TNS1: variants seen among roughly 807,000 people sequenced by gnomAD.
The protein encoded by TNS1 is tensin-1.
A neutral mutation model predicts 168.6 loss-of-function variants in TNS1; 62 were observed. The ratio of observed to expected loss-of-function variants is 0.37; its 90% CI spans 0.30 to 0.45. TNS1 has a LOEUF of 0.45. TNS1 is among the 20% of genes least tolerant of loss of function. The pLI is 1.00. For missense variants in TNS1, 2,240 were observed against 2,339.4 expected, an observed-to-expected ratio of 0.96 and a Z score of 0.88; for synonymous variants, 934 against 933.2, an observed-to-expected ratio of 1.00 and a Z score of -0.02.
intron 18 of TNS1, among the ~76,000 whole-genome samples, chr2:217,876,433 G>C (rs1279656707): frequency 6.6e-6 from 1 of 152,184 alleles, no homozygotes; most frequent in Non-Finnish European, 1.5e-5. Flanking sequence ...GCAGGCTCCA[G>C]ATCTAACTGG....
At chr2:217,904,610 G>A (rs186679518) in intron 6 of TNS1, among the ~76,000 whole-genome samples, 19 of 152,102 alleles carry the variant, frequency 1.2e-4, no homozygotes, top group Middle Eastern at 6.8e-3. Context: ...CGACACACAG[G>A]CACAGACACA....
At position 217,978,789 on chromosome 2, in the gene TNS1, G is replaced by A; in HGVS notation, c.162C>T (p.Ser54=). Residue 54 remains serine, a synonymous_variant, in exon 3 of 33, where the codon TCC becomes TCT. Transcript: ENST00000682258. ...EGCTCKVCSF[S]CHRKCQAKVA... is the part of the protein sequence containing the mutation. ...CCTTGGCCTGGCATTTCCGATGACA[G>A]GAGAAGCTGCAGACTGCAAGAGGGC... 1 of 702,328 alleles carries A rather than the reference G, an allele frequency of 1.4e-6. No homozygotes were observed. The allele number at this position is 702,328 out of a possible 1,614,324, so 43.5% of individuals were successfully genotyped here.
intron 12 of TNS1, 109 bp from the exon 13 acceptor site, chr2:217,886,755 C>T (rs1473954414): frequency 1.4e-5 from 12 of 828,466 alleles, no homozygotes; most frequent in African/African-American, 1.0e-4. Flanking sequence ...CTACTCTACC[C>T]TCTCCCCAAC....
At chr2:217,835,062 G>A in intron 21 of TNS1, 29 bp downstream of exon 21, 1 of 1,555,010 alleles carries the variant, frequency 6.4e-7, no homozygotes, top group Non-Finnish European at 8.6e-7. Flanking sequence ...GGGTACACAG[G>A]GAAGACGAGC....
intron 27 of TNS1, among the ~76,000 whole-genome samples, chr2:217,812,695 G>A (rs1309887937): frequency 3.3e-5 from 5 of 152,222 alleles, no homozygotes; most frequent in African/African-American, 4.8e-5. Flanking sequence ...TCCTAACATC[G>A]CTCCTAATGC....
chr2:217,868,805 C>T (rs1467855951), intron 18 of TNS1, among the ~76,000 whole-genome samples: 1 of 152,198 alleles, frequency 6.6e-6, no homozygotes, highest in East Asian at 1.9e-4. Flanking sequence ...ACGGGGCCTC[C>T]CAAGGATCTT....
At position 218,032,523 on chromosome 2, in the gene TNS1, GT is replaced by G; in HGVS notation, c.156+1296del. Among the ~76,000 whole-genome samples, 1 of 152,206 alleles carries G rather than the reference GT, an allele frequency of 6.6e-6. No homozygotes were observed. Among genetic ancestry groups the G allele is most frequent in the Admixed American group, 6.5e-5 (1 of 15,288 alleles). ...GCAGGGCCTGGGGCAGGAATGGGGG[GT>G]GTGTCTGCAGCAGGACTGGCAGTGG... On this transcript the variant is annotated intron_variant, in intron 1 of 1. Transcript: ENST00000649572. This position sits in a 1 kb window ranked among gnomAD's most constrained non-coding sequence, Gnocchi z 4.0.
At chr2:218,011,154 C>A (rs1958702420), upstream of TNS1, among the ~76,000 whole-genome samples, 1 of 152,194 alleles carries the variant, frequency 6.6e-6, no homozygotes, top group African/African-American at 2.4e-5. Flanking sequence ...TTCTGCGTGC[C>A]CTTGCCTACC....
intron 2 of TNS1, among the ~76,000 whole-genome samples, chr2:217,984,263 G>A (rs894496477): frequency 1.3e-5 from 2 of 152,150 alleles, no homozygotes; most frequent in African/African-American, 4.8e-5. Flanking sequence ...GTGTCTCAGG[G>A]GATGGTCGGG....
intron 23 of TNS1, among the ~76,000 whole-genome samples, chr2:217,819,685 T>A (rs1356232804): frequency 6.6e-6 from 1 of 152,180 alleles, no homozygotes; most frequent in Non-Finnish European, 1.5e-5. Flanking sequence ...AGTTTTTCCA[T>A]GTGGAAAATG....
At chr2:218,006,179 G>T (rs1221259680), upstream of TNS1, among the ~76,000 whole-genome samples, 1 of 152,246 alleles carries the variant, frequency 6.6e-6, no homozygotes, top group Non-Finnish European at 1.5e-5. Flanking sequence ...TCAGGTCTGT[G>T]GGCTGTGGTG....
intron 5 of TNS1, among the ~76,000 whole-genome samples, chr2:217,906,632 T>C (rs1953740008): frequency 6.6e-6 from 1 of 152,214 alleles, no homozygotes; most frequent in Non-Finnish European, 1.5e-5. Flanking sequence ...ATAAGAAAAC[T>C]GAGGCACAGA....
chr2:217,872,968 A>G (rs1949900539), intron 18 of TNS1, among the ~76,000 whole-genome samples: 1 of 152,266 alleles, frequency 6.6e-6, no homozygotes, highest in South Asian at 2.1e-4. Flanking sequence ...CCATTTACGT[A>G]AAGTGTCCAG....
Position 217,802,149 on chromosome 2 carries a change from A to G in TNS1, c.*2310T>C, listed in dbSNP as rs1168205161. The stretch of plus-strand genomic sequence containing the variant: ...GATATTTACAAAGGAAGGGGATGGG[A>G]AATATCTCCTATCTTGGAAGATAAT... On this transcript the variant is annotated 3_prime_UTR_variant, in exon 33 of 33. Transcript: ENST00000682258. 3 of 152,206 alleles carry G rather than the reference A, an allele frequency of 2.0e-5. No homozygotes were observed. The highest frequency in any genetic ancestry group is 2.0e-4 in the Admixed American group (3 of 15,284). 9.4% of individuals were successfully genotyped at this position (152,206 alleles called of 1,614,324 possible).
intron 22 of TNS1, among the ~76,000 whole-genome samples, chr2:217,828,635 T>C (rs1943953774): frequency 6.6e-6 from 1 of 152,170 alleles, no homozygotes; most frequent in Non-Finnish European, 1.5e-5. Context: ...TCCTGGTGTG[T>C]CCAAGGCCTC....
At chr2:217,837,451 G>A (rs1945325861) in intron 19 of TNS1, among the ~76,000 whole-genome samples, 1 of 152,192 alleles carries the variant, frequency 6.6e-6, no homozygotes, top group Admixed American at 6.5e-5. Context: ...AAGCCTACGG[G>A]CAGACACACA....
At chr2:218,010,638 G>C (rs1958697905), upstream of TNS1, among the ~76,000 whole-genome samples, 1 of 150,856 alleles carries the variant, frequency 6.6e-6, no homozygotes, top group South Asian at 2.1e-4. Flanking sequence ...GGCGCCCGGC[G>C]CCGGGCGTCC....
At chr2:217,808,299 A>C (rs1002517157) in intron 31 of TNS1, among the ~76,000 whole-genome samples, 192 bp from the exon 32 acceptor site, 4 of 150,630 alleles carry the variant, frequency 2.7e-5, no homozygotes, top group African/African-American at 9.8e-5. Context: ...CAAGGTCGAG[A>C]GAACACTGCA....
At chr2:217,998,533 C>A (rs1327800367) in intron 1 of TNS1, among the ~76,000 whole-genome samples, 1 of 152,188 alleles carries the variant, frequency 6.6e-6, no homozygotes, top group East Asian at 1.9e-4. Context: ...CTGGGCCTTG[C>A]TCTGTCGCCT....
Sources: gnomAD v4.1 joint callset for allele counts (sites outside exome capture counted in the v4.1 genomes callset) on GRCh38, gnomAD v4.1.1 for gene constraint, Gnocchi (gnomAD v3.1) non-coding constraint, MANE v1.5 for transcripts, NCBI Gene and HGNC (gene_info 2026-07-23, HGNC 2026-07-21) for gene names.